SRL: variants seen among roughly 807,000 people sequenced by gnomAD.
The protein encoded by SRL is sarcalumenin.
A neutral mutation model predicts 39.5 loss-of-function variants in SRL; 23 were observed. That is an observed-to-expected ratio of 0.58 (90% CI 0.42 to 0.82). The LOEUF (loss-of-function observed/expected upper bound fraction) is 0.82. SRL is among the 40% of genes least tolerant of loss of function. SRL has a pLI of 0.00. For missense variants in SRL, 592 were observed against 607.8 expected, an observed-to-expected ratio of 0.97 and a Z score of 0.27; for synonymous variants, 272 against 237.4, an observed-to-expected ratio of 1.15 and a Z score of -1.34.
At chr16:4,215,604 C>T (rs2052449753) in intron 1 of SRL, among the ~76,000 whole-genome samples, 1 of 152,184 alleles carries the variant, frequency 6.6e-6, no homozygotes, top group African/African-American at 2.4e-5. Context: ...TGGACGCTCT[C>T]CCAGCAGTGG....
intron 3 of SRL, 144 bp from the exon 4 acceptor site, chr16:4,198,059 C>T (rs965853443): frequency 4.5e-5 from 29 of 642,356 alleles, no homozygotes; most frequent in South Asian, 5.4e-5. Context: ...CCCCCAGTGG[C>T]GCTTCTCTTG....
intron 1 of SRL, among the ~76,000 whole-genome samples, chr16:4,221,620 G>C (rs911301252): frequency 6.6e-6 from 1 of 152,238 alleles, no homozygotes; most frequent in Non-Finnish European, 1.5e-5. Flanking sequence ...AAAAGGCCCA[G>C]ATCCCTGCAC....
chr16:4,196,976 T>G (rs2052155332), intron 4 of SRL, among the ~76,000 whole-genome samples: 1 of 152,104 alleles, frequency 6.6e-6, no homozygotes, highest in Non-Finnish European at 1.5e-5. Flanking sequence ...TTTGACTGGT[T>G]TCCATGTTTT....
chr16:4,212,996 T>C (rs1333506908), intron 1 of SRL, among the ~76,000 whole-genome samples: 1 of 152,218 alleles, frequency 6.6e-6, no homozygotes, highest in Non-Finnish European at 1.5e-5. Context: ...TGAGTCCAAC[T>C]GTAAAGGAGG....
intron 1 of SRL, among the ~76,000 whole-genome samples, chr16:4,216,831 G>A (rs933751534): frequency 6.6e-6 from 1 of 152,186 alleles, no homozygotes; most frequent in African/African-American, 2.4e-5. Flanking sequence ...AAGGCAGGTG[G>A]CTGGCTTCCC....
At chr16:4,211,324 C>T (rs62037566) in intron 1 of SRL, among the ~76,000 whole-genome samples, 33,793 of 152,182 alleles carry the variant, frequency 0.22, 3,789 homozygotes, top group Admixed American at 0.26. Flanking sequence ...GGGGGGGTCT[C>T]CTAGGGCCTG....
chr16:4,238,325 C>T (rs2052734490), intron 1 of SRL, among the ~76,000 whole-genome samples: 1 of 152,114 alleles, frequency 6.6e-6, no homozygotes, highest in Non-Finnish European at 1.5e-5. Context: ...CTGTCCTTAG[C>T]CTGCAGGCCA....
In SRL at chr16:4,236,940, G is replaced by A. The variant is rs113014941; in HGVS notation, c.61+5067C>T. ...CAGGTGTAAGCCACTGCACCCAGCC[G>A]TGAACTTTTTTTTTTTTTTGAGACA... On this transcript the variant is annotated intron_variant, in intron 1 of 5. Transcript: ENST00000399609. 4.1e-3 allele frequency among the ~76,000 whole-genome samples: 607 copies of A among 147,258 alleles called. 5 individuals are homozygous for A. The highest frequency in any genetic ancestry group is 0.014 in the African/African-American group (578 of 39,866).
chr16:4,202,619 A>G (rs116808714), intron 3 of SRL, among the ~76,000 whole-genome samples: 2,367 of 152,080 alleles, frequency 0.016, 59 homozygotes, highest in African/African-American at 0.054. Context: ...GAGGTCAAGA[A>G]TATAATTTTT....
intron 1 of SRL, among the ~76,000 whole-genome samples, chr16:4,212,496 C>G (rs1011921250): frequency 6.6e-6 from 1 of 152,208 alleles, no homozygotes; most frequent in Non-Finnish European, 1.5e-5. Flanking sequence ...TGCTTCTTGC[C>G]GAAGCACCCT....
At chr16:4,220,058 T>G (rs1025776231) in intron 1 of SRL, among the ~76,000 whole-genome samples, 3 of 152,082 alleles carry the variant, frequency 2.0e-5, no homozygotes, top group African/African-American at 7.2e-5. Flanking sequence ...AAACTCTGGA[T>G]GCCTCCAGAG....
At chr16:4,229,560 A>T (rs1224542390) in intron 1 of SRL, among the ~76,000 whole-genome samples, 2 of 152,134 alleles carry the variant, frequency 1.3e-5, no homozygotes, top group Non-Finnish European at 2.9e-5. Flanking sequence ...ATTCTCACTT[A>T]TAAGTGGGAG....
At position 4,204,523 on chromosome 16, in the gene SRL, C is replaced by T; in HGVS notation, c.163+10G>A. ...TCCCAGCCCTGGGCATATCTCCCTC[C>T]CCTGGTTACCAGAGTAGTCATCGGA... On this transcript the variant is annotated intron_variant, in intron 2 of 5. Coordinates refer to ENST00000399609, the MANE Select transcript of SRL (RefSeq NM_001098814.2). The T allele has an allele frequency of 3.1e-6, 5 of 1,609,006 alleles. No homozygotes were observed. The highest frequency in any genetic ancestry group is 4.2e-6 in the Non-Finnish European group (5 of 1,177,482).
intron 1 of SRL, among the ~76,000 whole-genome samples, chr16:4,221,437 G>T (rs562491733): frequency 2.6e-5 from 4 of 152,174 alleles, no homozygotes; most frequent in Admixed American, 6.5e-5. Flanking sequence ...CTCCCCTGAA[G>T]AGAGGAAGGC....
At chr16:4,229,957 C>T (rs1479742599) in intron 1 of SRL, among the ~76,000 whole-genome samples, 3 of 152,054 alleles carry the variant, frequency 2.0e-5, no homozygotes, top group African/African-American at 7.2e-5. Context: ...GTAAGCTGGT[C>T]CTGGGCTTCC....
At chr16:4,218,842 G>T (rs1306099831) in intron 1 of SRL, among the ~76,000 whole-genome samples, 1 of 152,246 alleles carries the variant, frequency 6.6e-6, no homozygotes, top group Non-Finnish European at 1.5e-5. Context: ...GGAAGGCCAG[G>T]CCTCTGGCAG....
intron 5 of SRL, 41 bp from the exon 6 acceptor site, chr16:4,193,005 C>T (rs1193177910): frequency 1.3e-6 from 2 of 1,543,286 alleles, no homozygotes; most frequent in East Asian, 2.3e-5. Flanking sequence ...GAGTAGGCCT[C>T]CCTCAAAGCC....
Position 4,192,403 on chromosome 16 carries a change from C to T in SRL, c.1172G>A (p.Ser391Asn). Residue 391 changes from serine (S) to asparagine (N), a missense_variant, in exon 6 of 6, where the codon AGC (serine) becomes AAC (asparagine). Coordinates refer to ENST00000399609, the MANE Select transcript of SRL (RefSeq NM_001098814.2). The surrounding 1 kb of genome is among the most constrained non-coding windows in gnomAD (Gnocchi z 4.0). ...CTCGCGGTTGGGAAGGTCAAATTTG[C>T]TGACATTGGTCTTTGCCAGGATGGT... The part of the protein sequence containing the change: ...FKTILAKTNV[S>N]KFDLPNREAY... 1 of 1,614,236 alleles carries T rather than the reference C, an allele frequency of 6.2e-7. No individual in the cohort carries two copies. The highest frequency in any genetic ancestry group is 8.5e-7 in the Non-Finnish European group (1 of 1,180,056).
At chr16:4,213,246 C>G (rs115360188) in intron 1 of SRL, among the ~76,000 whole-genome samples, 129 of 152,208 alleles carry the variant, frequency 8.5e-4, no homozygotes, top group African/African-American at 3.0e-3. Flanking sequence ...CCAGTGTCCA[C>G]AGAGAAAGAC....
Sources: gnomAD v4.1 joint callset for allele counts (sites outside exome capture counted in the v4.1 genomes callset) on GRCh38, gnomAD v4.1.1 for gene constraint, Gnocchi (gnomAD v3.1) non-coding constraint, MANE v1.5 for transcripts, NCBI Gene and HGNC (gene_info 2026-07-23, HGNC 2026-07-21) for gene names.